The following GMPS variants were observed in gnomAD, a reference collection of about 807,000 sequenced individuals.
GMPS encodes the protein guanosine monophosphate synthase.
In GMPS, 15 loss-of-function variants were observed where a neutral mutation model predicts 77.9. That is an observed-to-expected ratio of 0.19 (90% CI 0.13 to 0.30). GMPS has a LOEUF of 0.30. Ranked by LOEUF, GMPS falls within the 10% of genes least tolerant of loss-of-function variation. GMPS has a pLI of 1.00. For synonymous variants in GMPS, 224 were observed against 275.9 expected, an observed-to-expected ratio of 0.81 and a Z score of 1.86; for missense variants, 590 against 838.8, an observed-to-expected ratio of 0.70 and a Z score of 3.66.
At chr3:155,937,490 T>C (rs3772112) in intron 15 of GMPS, 101 bp from the exon 16 acceptor site, 131,610 of 650,114 alleles carry the variant, frequency 0.2, 14,141 homozygotes, top group South Asian at 0.27. Context: ...AGGACAATAG[T>C]GAAAATAGTC....
intron 12 of GMPS, among the ~76,000 whole-genome samples, chr3:155,927,570 T>C (rs1231189050): frequency 6.6e-6 from 1 of 152,200 alleles, no homozygotes; most frequent in African/African-American, 2.4e-5. Context: ...CTTTAGTCTC[T>C]TACCCTTTGA....
chr3:155,915,187 C>T (rs1198421505), intron 8 of GMPS, among the ~76,000 whole-genome samples: 1 of 151,350 alleles, frequency 6.6e-6, no homozygotes, highest in Non-Finnish European at 1.5e-5. Context: ...TTGATTATCT[C>T]AATGGCTAAT....
intron 3 of GMPS, 68 bp downstream of exon 3, chr3:155,898,109 G>A: frequency 2.5e-6 from 2 of 814,928 alleles, no homozygotes; most frequent in Non-Finnish European, 2.2e-6. Flanking sequence ...TACTGTATTA[G>A]TATTTTCTCT....
rs116187460 is a variant in GMPS at position 155,895,171 on chromosome 3, T to C, written c.209+1472T>C. Among the ~76,000 whole-genome samples, 839 of 152,362 alleles carry C rather than the reference T, an allele frequency of 5.5e-3. 2 individuals are homozygous for C. The highest frequency in any genetic ancestry group is 0.015 in the South Asian group (71 of 4,826). ...CAGCTTGTACCTAGAATTTCCCTTA[T>C]GTAGTAGGAGAATAGAAACTATACT... On this transcript the variant is annotated intron_variant, in intron 2 of 15. Coordinates refer to ENST00000496455, the MANE Select transcript of GMPS (RefSeq NM_003875.3).
intron 4 of GMPS, among the ~76,000 whole-genome samples, chr3:155,904,414 C>T (rs1471859885): frequency 4.6e-5 from 7 of 151,866 alleles, no homozygotes; most frequent in East Asian, 3.9e-4. Flanking sequence ...CTCAGCCTCC[C>T]GAGTAGCTGG....
rs1240571767 is a variant in GMPS at position 155,940,746 on chromosome 3, T to TA, written c.*3054_*3055insA. On this transcript the variant is annotated 3_prime_UTR_variant, in exon 16 of 16. Coordinates refer to ENST00000496455, the MANE Select transcript of GMPS (RefSeq NM_003875.3). ...AATGGAGAAGCTGGATAGTGTTTTT[T>TA]TTTTTTTTTTTTAAGGTTCTTTTAT... 4.5e-6 allele frequency: 1 copy of TA among 222,284 alleles called. No individual in the cohort carries two copies. The highest frequency in any genetic ancestry group is 2.2e-5 in the African/African-American group (1 of 44,568). The allele number at this position is 222,284 out of a possible 1,614,324, so 13.8% of individuals were successfully genotyped here.
intron 6 of GMPS, 114 bp downstream of exon 6, chr3:155,910,999 A>G: frequency 2.8e-6 from 3 of 1,088,432 alleles, no homozygotes; most frequent in Non-Finnish European, 4.0e-6. Flanking sequence ...GTGCTTTTCC[A>G]GTTACCATAC....
In GMPS at chr3:155,939,401, A is replaced by G. The variant is rs1577541644; in HGVS notation, c.*1709A>G. The G allele has an allele frequency of 2.4e-5, 5 of 206,204 alleles. No homozygotes were observed. In the East Asian group the frequency reaches 3.7e-4, roughly 15 times the overall value. The allele number at this position is 206,204 out of a possible 1,614,324, so 12.8% of individuals were successfully genotyped here. On this transcript the variant is annotated 3_prime_UTR_variant, in exon 16 of 16. Coordinates refer to ENST00000496455, the MANE Select transcript of GMPS (RefSeq NM_003875.3). ...GTCTTATGATTTTGTATTGAAGCAAACAGTAGGAATTTTGGAAAAATAGAG... is the reference window on the plus strand; with the variant it reads ...GTCTTATGATTTTGTATTGAAGCAAGCAGTAGGAATTTTGGAAAAATAGAG...
At chr3:155,873,419 C>T (rs1214056166) in intron 1 of GMPS, among the ~76,000 whole-genome samples, 2 of 151,312 alleles carry the variant, frequency 1.3e-5, no homozygotes, top group African/African-American at 4.9e-5. Context: ...CGTGGATCAC[C>T]CCGCCCTGCT....
At chr3:155,911,839 CA>C (rs200105245) in intron 7 of GMPS, among the ~76,000 whole-genome samples, 6,916 of 75,700 alleles carry the variant, frequency 0.091, 206 homozygotes, top group East Asian at 0.27. Flanking sequence ...AACTCCATCT[CA>C]AAAAAAAAAA....
At chr3:155,903,749 G>A in intron 3 of GMPS, 114 bp from the exon 4 acceptor site, 1 of 512,306 alleles carries the variant, frequency 2.0e-6, no homozygotes, top group Non-Finnish European at 3.5e-6. Flanking sequence ...TTATTTTGGG[G>A]ATACAGGTAT....
In GMPS at chr3:155,925,384, A is replaced by G. The variant is rs541083426; in HGVS notation, c.1560+18A>G. On this transcript the variant is annotated intron_variant, in intron 12 of 15. Transcript: ENST00000496455. ...GTGTGCAGGTGAGTTGTGTGAATTCATTCACCAGTGATATACTTTTTTTTT... is the reference window on the plus strand; with the variant it reads ...GTGTGCAGGTGAGTTGTGTGAATTCGTTCACCAGTGATATACTTTTTTTTT... The G allele has an allele frequency of 1.9e-6, 3 of 1,568,538 alleles. No homozygotes were observed. Among genetic ancestry groups the G allele is most frequent in the African/African-American group, 1.4e-5 (1 of 72,820 alleles).
intron 5 of GMPS, 96 bp from the exon 6 acceptor site, chr3:155,910,591 TGAAAC>T (rs1429987072): frequency 4.7e-6 from 2 of 429,476 alleles, no homozygotes; most frequent in South Asian, 5.5e-5. Flanking sequence ...AAAAAAAAAA[TGAAAC>T]CATAGAGGCA....
chr3:155,877,962 C>T (rs757127137), intron 1 of GMPS, among the ~76,000 whole-genome samples: 13 of 152,126 alleles, frequency 8.5e-5, no homozygotes, highest in South Asian at 2.1e-4. Context: ...TTAGTAGCAA[C>T]GGGGTTTTGC....
Position 155,943,312 on chromosome 3 carries a change from T to G in GMPS, c.*5620T>G, listed in dbSNP as rs569990349. The G allele has an allele frequency of 5.5e-6, 1 of 181,194 alleles. No homozygotes were observed. The highest frequency in any genetic ancestry group is 1.2e-5 in the Non-Finnish European group (1 of 84,754). The allele number at this position is 181,194 out of a possible 1,614,324, so 11.2% of individuals were successfully genotyped here. ...GTTAAGGGCCCTTGGTTAGCAAAAT[T>G]ATGAAAGTTTAGGAAATTTGGCTAT... On this transcript the variant is annotated 3_prime_UTR_variant, in exon 16 of 16. Transcript: ENST00000496455.
intron 1 of GMPS, among the ~76,000 whole-genome samples, chr3:155,878,381 A>G (rs1340602969): frequency 6.6e-6 from 1 of 152,186 alleles, no homozygotes; most frequent in Non-Finnish European, 1.5e-5. Context: ...TATGTATACC[A>G]CCTTATATTT....
intron 9 of GMPS, among the ~76,000 whole-genome samples, chr3:155,917,215 C>T (rs984068155): frequency 6.6e-5 from 10 of 152,084 alleles, no homozygotes; most frequent in East Asian, 1.9e-4. Context: ...TCAGGTGATC[C>T]GCCTGCCTCT....
At chr3:155,925,415 C>G in intron 12 of GMPS, 49 bp downstream of exon 12, 3 of 1,230,482 alleles carry the variant, frequency 2.4e-6, no homozygotes, top group Non-Finnish European at 3.3e-6. Context: ...TTTTTTTTTT[C>G]TTTTCTTGAG....
At chr3:155,920,930 T>A (rs1755304444) in intron 10 of GMPS, among the ~76,000 whole-genome samples, 1 of 152,212 alleles carries the variant, frequency 6.6e-6, no homozygotes, top group African/African-American at 2.4e-5. Flanking sequence ...CTTGTGTTTT[T>A]ATCAACTTTT....
Sources: allele counts gnomAD v4.1 joint callset (sites outside exome capture counted in the v4.1 genomes callset), GRCh38; gene constraint gnomAD v4.1.1; transcripts MANE v1.5; gene names NCBI Gene and HGNC (gene_info 2026-07-23, HGNC 2026-07-21).